Variants in MSRA observed in about 807,000 individuals in gnomAD.
MSRA encodes mitochondrial peptide methionine sulfoxide reductase.
A neutral mutation model predicts 31.3 loss-of-function variants in MSRA; 54 were observed. The ratio of observed to expected loss-of-function variants is 1.73; its 90% CI spans 1.39 to 2.17. The LOEUF is 2.17. MSRA is among the 30% of genes most tolerant of loss of function. The pLI, the probability that MSRA is intolerant of heterozygous loss-of-function variation, is 0.00. For missense variants in MSRA, 507 were observed against 300.9 expected (o/e 1.69, Z -5.07); for synonymous variants, 169 against 116.5 (o/e 1.45, Z -2.90).
intron 1 of MSRA, among the ~76,000 whole-genome samples, chr8:10,172,211 TTGG>T (rs1297441488): frequency 2.6e-5 from 4 of 152,082 alleles, no homozygotes; most frequent in African/African-American, 9.7e-5. Context: ...GGAGTATGGG[TTGG>T]TGTGTGTCAC....
chr8:10,144,808 G>A lies in MSRA; in HGVS notation c.143-63025G>A, dbSNP rs181138830. On this transcript the variant is annotated intron_variant, in intron 1 of 5. Transcript: ENST00000317173. ...CTCACAGCTGGCTCATCAGAGGTGG[G>A]CAGTTGGGGGATTGGCACATCTGAC... 2.9e-3 allele frequency among the ~76,000 whole-genome samples: 444 copies of A among 152,284 alleles called. 2 individuals are homozygous for A. The highest frequency in any genetic ancestry group is 8.5e-3 in the Admixed American group (130 of 15,302).
intron 1 of MSRA, among the ~76,000 whole-genome samples, chr8:10,145,224 C>T (rs1803040304): frequency 6.6e-6 from 1 of 152,154 alleles, no homozygotes; most frequent in Non-Finnish European, 1.5e-5. Context: ...AGCACCTGTT[C>T]TATGTGGGGA....
intron 5 of MSRA, among the ~76,000 whole-genome samples, chr8:10,392,772 C>T (rs138362999): frequency 2.4e-4 from 36 of 149,624 alleles, no homozygotes; most frequent in African/African-American, 8.1e-4. Context: ...TTCAGCCAGG[C>T]GTGGTGGCTC....
chr8:10,332,044 C>T (rs1306141583), intron 5 of MSRA, among the ~76,000 whole-genome samples: 1 of 152,164 alleles, frequency 6.6e-6, no homozygotes, highest in African/African-American at 2.4e-5. Context: ...CCTCAAATTT[C>T]CAACCATAGT....
chr8:10,102,221 TC>T (rs1213427066), intron 1 of MSRA, among the ~76,000 whole-genome samples: 2 of 152,206 alleles, frequency 1.3e-5, no homozygotes, highest in African/African-American at 4.8e-5. Flanking sequence ...TTTGAATACT[TC>T]CCCAGGTGTG....
chr8:10,390,979 G>GAAAAA (rs58263674), intron 5 of MSRA, among the ~76,000 whole-genome samples: 1 of 138,658 alleles, frequency 7.2e-6, no homozygotes, highest in Non-Finnish European at 1.5e-5. Flanking sequence ...TGTCTCAAAA[G>GAAAAA]AAAAAAAAAA....
intron 5 of MSRA, among the ~76,000 whole-genome samples, chr8:10,383,575 C>T (rs1050384611): frequency 1.4e-4 from 6 of 42,088 alleles, no homozygotes; most frequent in Non-Finnish European, 3.3e-4. Flanking sequence ...TTCAGGTTGA[C>T]GGTGAGTTTG....
intron 1 of MSRA, among the ~76,000 whole-genome samples, chr8:10,128,508 G>A (rs1432969552): frequency 6.6e-6 from 1 of 152,012 alleles, no homozygotes; most frequent in Non-Finnish European, 1.5e-5. Flanking sequence ...TCGAAATTCT[G>A]TGACTCCTAT....
intron 5 of MSRA, among the ~76,000 whole-genome samples, chr8:10,383,737 C>T (rs1466335042): frequency 6.6e-6 from 1 of 152,162 alleles, no homozygotes; most frequent in African/African-American, 2.4e-5. Flanking sequence ...GGACAAAGCC[C>T]AGTGCTGCAT....
chr8:10,242,788 C>T (rs1324727222), intron 2 of MSRA, among the ~76,000 whole-genome samples: 1 of 152,134 alleles, frequency 6.6e-6, no homozygotes, highest in Admixed American at 6.5e-5. Flanking sequence ...CTTAAACCTG[C>T]AGCCGCTAGT....
In MSRA at chr8:10,301,630, C is replaced by T. The variant is rs774632520; in HGVS notation, c.428C>T (p.Pro143Leu). Residue 143 changes from proline (P) to leucine (L), a missense_variant, in exon 4 of 6, where the codon CCG (proline) becomes CTG (leucine). Pro to Leu is a moderately conservative substitution (Grantham distance 98, BLOSUM62 -3). Transcript: ENST00000317173. ...AAGGTCTTCTGGGAGAATCACGACC[C>T]GACCCAAGGTAGAGTGATGAGTGAG... is the stretch of plus-strand genomic sequence containing the variant. ...LLKVFWENHD[P>L]TQGMRQGNDH... 2.8e-5 allele frequency: 45 copies of T among 1,613,242 alleles called. No individual in the cohort carries two copies. Among genetic ancestry groups the T allele is most frequent in the South Asian group, 5.5e-5 (5 of 91,044 alleles).
At chr8:10,249,510 A>G (rs1182446033) in intron 3 of MSRA, among the ~76,000 whole-genome samples, 1 of 152,152 alleles carries the variant, frequency 6.6e-6, no homozygotes, top group Non-Finnish European at 1.5e-5. Context: ...ACTTTTAAGT[A>G]ACCTATAATC....
intron 5 of MSRA, among the ~76,000 whole-genome samples, chr8:10,329,777 C>G (rs184567237): frequency 6.6e-6 from 1 of 151,178 alleles, no homozygotes; most frequent in Admixed American, 6.6e-5. Context: ...CCCCAGAACA[C>G]ACTCAGGTTT....
chr8:10,392,931 G>A (rs1046723263), intron 5 of MSRA, among the ~76,000 whole-genome samples: 4 of 149,870 alleles, frequency 2.7e-5, no homozygotes, highest in Non-Finnish European at 5.9e-5. Flanking sequence ...CAGTAATGGC[G>A]GGCGCCTATA....
intron 2 of MSRA, among the ~76,000 whole-genome samples, chr8:10,240,522 T>G (rs1427598813): frequency 6.6e-6 from 1 of 152,138 alleles, no homozygotes; most frequent in Non-Finnish European, 1.5e-5. Context: ...TATCATGTGG[T>G]AAAGAGATCT....
intron 1 of MSRA, among the ~76,000 whole-genome samples, chr8:10,094,210 G>A (rs1799005050): frequency 6.6e-6 from 1 of 152,048 alleles, no homozygotes; most frequent in East Asian, 1.9e-4. Context: ...TCAACTTTAT[G>A]GTTCAGTAAT....
intron 5 of MSRA, among the ~76,000 whole-genome samples, chr8:10,370,538 A>G (rs911240043): frequency 1.3e-5 from 2 of 152,228 alleles, no homozygotes; most frequent in East Asian, 1.9e-4. Flanking sequence ...TCATCCAGCA[A>G]TAATTACTGG....
At position 10,057,482 on chromosome 8, in the gene MSRA, G is replaced by T. The variant is rs1378301912; in HGVS notation, c.142+2824G>T. ...TTTGTTAAGATGTGGGTTCCTTACAGTCAGAACTGATCTTATTTCCGGTGA... is the reference window on the plus strand; with the variant it reads ...TTTGTTAAGATGTGGGTTCCTTACATTCAGAACTGATCTTATTTCCGGTGA... On this transcript the variant is annotated intron_variant, in intron 1 of 5. Coordinates refer to ENST00000317173, the MANE Select transcript of MSRA (RefSeq NM_012331.5). Among the ~76,000 whole-genome samples the T allele has an allele frequency of 6.6e-5, 10 of 152,310 alleles. No homozygotes were observed. The South Asian group carries it at 2.1e-3, about 32-fold the overall frequency.
At chr8:10,312,060 G>C (rs1178486399) in intron 4 of MSRA, among the ~76,000 whole-genome samples, 8 of 152,184 alleles carry the variant, frequency 5.3e-5, no homozygotes, top group Admixed American at 5.2e-4. Flanking sequence ...GACATATAGA[G>C]CCTTAAATTC....
Sources: allele counts gnomAD v4.1 joint callset (sites outside exome capture counted in the v4.1 genomes callset), GRCh38; gene constraint gnomAD v4.1.1; transcripts MANE v1.5; gene names NCBI Gene and HGNC (gene_info 2026-07-23, HGNC 2026-07-21).